USH2A: variants seen among roughly 807,000 people sequenced by gnomAD.
USH2A encodes the protein usherin.
USH2A carries 443 observed loss-of-function variants against 538.9 expected under a neutral mutation model. The ratio of observed to expected loss-of-function variants is 0.82; its 90% CI spans 0.76 to 0.89. USH2A has a LOEUF of 0.89. Ranked by LOEUF, USH2A falls within the 40% of genes least tolerant of loss-of-function variation. The pLI, the probability that USH2A is intolerant of heterozygous loss-of-function variation, is 0.00. For missense variants in USH2A, 6,633 were observed against 6,324.8 expected (o/e 1.05, Z -1.65); for synonymous variants, 2,413 against 2,273.5 (o/e 1.06, Z -1.75).
chr1:216,013,175 C>T (rs1456749094), intron 32 of USH2A, among the ~76,000 whole-genome samples: 51 of 152,184 alleles, frequency 3.4e-4, no homozygotes, highest in Admixed American at 2.9e-3. Flanking sequence ...TTCTCTTATT[C>T]CATTTAGTTT....
chr1:216,034,433 T>C (rs990314595), intron 32 of USH2A, among the ~76,000 whole-genome samples: 1 of 152,142 alleles, frequency 6.6e-6, no homozygotes, highest in Admixed American at 6.6e-5. Context: ...TTGAATTTTG[T>C]CCTCCCAAAA....
In USH2A at chr1:215,651,847, C is replaced by T. The variant is rs555059042; in HGVS notation, c.14134-1046G>A. Among the ~76,000 whole-genome samples, 6 of 152,324 alleles carry T rather than the reference C, an allele frequency of 3.9e-5. No individual in the cohort carries two copies. In the South Asian group the frequency reaches 1.0e-3, roughly 26 times the overall value. ...AGATTTTTAGTAGTTAGGTCAACTC[C>T]TATCAGTGGTTTTCATACTTTTCTT... On this transcript the variant is annotated intron_variant, in intron 64 of 71. Transcript: ENST00000307340.
rs961033240 is a variant in USH2A at position 216,342,249 on chromosome 1, C to T, written c.785-14595G>A. On this transcript the variant is annotated intron_variant, in intron 4 of 71. Coordinates refer to ENST00000307340, the MANE Select transcript of USH2A (RefSeq NM_206933.4). ...CAACAAACATTTTTAAAAAGCTTAA[C>T]ATCACTGATCATTAGAGAAATGCAA... is the stretch of plus-strand genomic sequence containing the variant. Among the ~76,000 whole-genome samples the T allele has an allele frequency of 2.8e-4, 43 of 152,118 alleles. 1 individual carries two copies. Among genetic ancestry groups the T allele is most frequent in the African/African-American group, 9.4e-4 (39 of 41,430 alleles).
intron 9 of USH2A, among the ~76,000 whole-genome samples, chr1:216,304,616 G>T (rs561212710): frequency 6.6e-6 from 1 of 151,804 alleles, no homozygotes; most frequent in African/African-American, 2.4e-5. Context: ...TTGTCTATTT[G>T]TGCTCTTTCA....
At position 216,000,513 on chromosome 1, in the gene USH2A, A is replaced by G. The variant is rs1668244526; in HGVS notation, c.6375T>C (p.His2125=). Residue 2125 remains histidine, a synonymous_variant, in exon 33 of 72, where the codon CAT becomes CAC. Coordinates refer to ENST00000307340, the MANE Select transcript of USH2A (RefSeq NM_206933.4). ...CCCAGGAACTGTTTGTACAGCCCAC[A>G]TGTGTGCATGCACTTAGTAGAAACT... ...PHQFLLSACT[H]VGCTNSSWVL... The G allele has an allele frequency of 6.2e-7, 1 of 1,613,700 alleles. No individual in the cohort carries two copies. The highest frequency in any genetic ancestry group is 8.5e-7 in the Non-Finnish European group (1 of 1,179,704).
intron 21 of USH2A, among the ~76,000 whole-genome samples, chr1:216,131,212 C>T (rs570247384): frequency 1.1e-4 from 17 of 151,748 alleles, no homozygotes; most frequent in African/African-American, 4.1e-4. Context: ...GATATTAGTC[C>T]TTTGTCAGAT....
chr1:216,422,681 A>G, intron 1 of USH2A, 141 bp from the exon 2 acceptor site: 1 of 263,002 alleles, frequency 3.8e-6, no homozygotes, highest in Non-Finnish European at 7.5e-6. Flanking sequence ...CAGTGCTCAG[A>G]GTAAAATACT....
Position 216,176,639 on chromosome 1 carries a change from G to A in USH2A, c.4397-1157C>T, listed in dbSNP as rs145771152. On this transcript the variant is annotated intron_variant, in intron 20 of 71. Transcript: ENST00000307340. ...CTCTGGGTTTGGACAAATGTATGATGGCATGCATCCATCATTATGCTATTA... is the reference window on the plus strand; with the variant it reads ...CTCTGGGTTTGGACAAATGTATGATAGCATGCATCCATCATTATGCTATTA... Among the ~76,000 whole-genome samples, 7 of 152,128 alleles carry A rather than the reference G, an allele frequency of 4.6e-5. No homozygotes were observed. In the East Asian group the frequency reaches 1.4e-3, roughly 29 times the overall value.
At chr1:216,069,615 A>G (rs1365366723) in intron 30 of USH2A, among the ~76,000 whole-genome samples, 1 of 152,164 alleles carries the variant, frequency 6.6e-6, no homozygotes, top group Admixed American at 6.5e-5. Context: ...TTCATGGCAC[A>G]CCACACTGTG....
At chr1:216,154,332 G>A (rs1247280092) in intron 21 of USH2A, among the ~76,000 whole-genome samples, 2 of 152,114 alleles carry the variant, frequency 1.3e-5, no homozygotes, top group Non-Finnish European at 2.9e-5. Flanking sequence ...TGTTTCAGGT[G>A]AAATTTGGAG....
intron 11 of USH2A, among the ~76,000 whole-genome samples, chr1:216,273,828 AC>A (rs749572216): frequency 3.3e-4 from 49 of 148,328 alleles, no homozygotes; most frequent in East Asian, 7.9e-4. Flanking sequence ...AAAAAAAAAA[AC>A]AAACCAGCAC....
chr1:216,068,478 T>C (rs915569168), intron 30 of USH2A, among the ~76,000 whole-genome samples: 3 of 152,084 alleles, frequency 2.0e-5, no homozygotes, highest in African/African-American at 7.2e-5. Flanking sequence ...GAGTGTCTGA[T>C]TTGGCGGGTG....
intron 18 of USH2A, 79 bp downstream of exon 18, chr1:216,198,236 C>A (rs2034895478): frequency 6.3e-7 from 1 of 1,597,412 alleles, no homozygotes; most frequent in Non-Finnish European, 8.5e-7. Context: ...AATGTACTTT[C>A]ACAGTACTTT....
rs1007453224 is a variant in USH2A, at chr1:216,058,570, T to G, written c.6050-9923A>C. 1.5e-5 allele frequency among the ~76,000 whole-genome samples: 2 copies of G among 129,800 alleles called. 1 individual carries two copies. The highest frequency in any genetic ancestry group is 3.4e-5 in the Non-Finnish European group (2 of 59,624). The allele number at this position is 129,800 out of a possible 152,430, so 85.2% of individuals were successfully genotyped here. A position where few individuals can be genotyped will look rare whatever the true frequency, so the allele number is the denominator to read the frequency against. On this transcript the variant is annotated intron_variant, in intron 30 of 71. Transcript: ENST00000307340. Reference sequence around the variant, plus strand: ...TGGGTTCTATTCTGAGGTCTAAGTTTTGGAATTAGTCTTTATTAGTTATTT... The same window carrying G: ...TGGGTTCTATTCTGAGGTCTAAGTTGTGGAATTAGTCTTTATTAGTTATTT...
rs1553261931 is a variant in USH2A, at chr1:215,786,833, T to C, written c.10224A>G (p.Glu3408=). The C allele has an allele frequency of 6.2e-7, 1 of 1,613,952 alleles. No individual in the cohort carries two copies. Among genetic ancestry groups the C allele is most frequent in the Non-Finnish European group, 8.5e-7 (1 of 1,179,918 alleles). The change falls in exon 52 of 72, where the codon GAA becomes GAG. Residue 3408 remains glutamate, a synonymous_variant. Transcript: ENST00000307340. ...CACACCTGCCACAATGTTCTGTGGC[T>C]TCCATAGATGCTGGGCAGAGGATCC... ...ECRILCPASM[E]ATEHCGRCDF...
rs372814488 is a variant in USH2A, at chr1:215,769,563, T to A, written c.10940-2775A>T. On this transcript the variant is annotated intron_variant, in intron 55 of 71. Coordinates refer to ENST00000307340, the MANE Select transcript of USH2A (RefSeq NM_206933.4). ...TTAGGCATGGTACAGCAGTAGAGCA[T>A]CCAGCACCTTAAGGATTTTTGATAG... 3.9e-5 allele frequency among the ~76,000 whole-genome samples: 6 copies of A among 152,286 alleles called. No homozygotes were observed. In the East Asian group the frequency reaches 7.7e-4, roughly 20 times the overall value.
chr1:216,275,468 A>C (rs1266790276), intron 11 of USH2A, among the ~76,000 whole-genome samples: 1 of 152,094 alleles, frequency 6.6e-6, no homozygotes, highest in African/African-American at 2.4e-5. Flanking sequence ...ATTTGGCTTA[A>C]CTATCTGTTT....
At chr1:215,803,481 C>T (rs1361674537) in intron 49 of USH2A, among the ~76,000 whole-genome samples, 3 of 152,148 alleles carry the variant, frequency 2.0e-5, no homozygotes, top group African/African-American at 7.2e-5. Context: ...CATTCTTATA[C>T]ACCAATAACA....
At chr1:215,973,656 CTTTTTT>C (rs750306238) in intron 35 of USH2A, among the ~76,000 whole-genome samples, 3 of 130,960 alleles carry the variant, frequency 2.3e-5, no homozygotes, top group East Asian at 2.2e-4. Flanking sequence ...TCTTCTTCTT[CTTTTTT>C]TTTTTTTTTT....
Sources: allele counts gnomAD v4.1 joint callset (sites outside exome capture counted in the v4.1 genomes callset), GRCh38; gene constraint gnomAD v4.1.1; transcripts MANE v1.5; gene names NCBI Gene and HGNC (gene_info 2026-07-23, HGNC 2026-07-21).